Variants in PABPC4L observed in about 807,000 individuals in gnomAD.
The protein encoded by PABPC4L is polyadenylate-binding protein 4-like.
For synonymous variants in PABPC4L, 169 were observed against 164.1 expected (o/e 1.03, Z -0.23); for missense variants, 452 against 451.4 (o/e 1.00, Z -0.01).
the PABPC4L span, among the ~76,000 whole-genome samples, chr4:134,041,353 A>G: frequency 6.6e-6 from 1 of 152,196 alleles, no homozygotes; most frequent in East Asian, 1.9e-4. Context: ...GACTGGATAA[A>G]GAAAATATGG....
At chr4:134,053,947 C>A in the PABPC4L span, among the ~76,000 whole-genome samples, 1 of 151,552 alleles carries the variant, frequency 6.6e-6, no homozygotes, top group Admixed American at 6.6e-5. Context: ...GATATCCACA[C>A]AAAGAACCTT....
At chr4:133,961,633 T>C in the PABPC4L span, among the ~76,000 whole-genome samples, 2 of 152,174 alleles carry the variant, frequency 1.3e-5, no homozygotes, top group Non-Finnish European at 2.9e-5. Context: ...ATGGGAGCTC[T>C]GTTTTCACTT....
the PABPC4L span, among the ~76,000 whole-genome samples, chr4:133,966,212 G>T: frequency 2.0e-4 from 31 of 152,080 alleles, 2 homozygotes; most frequent in Middle Eastern, 6.3e-3. Flanking sequence ...ATGAAAAAAT[G>T]ATCAACACCT....
chr4:134,150,067 G>A, the PABPC4L span, among the ~76,000 whole-genome samples: 2 of 146,450 alleles, frequency 1.4e-5, no homozygotes, highest in African/African-American at 5.1e-5. Context: ...TATCATTTTT[G>A]GTTCTTGGTT....
chr4:133,998,269 A>C, the PABPC4L span, among the ~76,000 whole-genome samples: 1 of 151,808 alleles, frequency 6.6e-6, no homozygotes, highest in Non-Finnish European at 1.5e-5. Context: ...TTAGTTTTGT[A>C]TTAGGACCTG....
the PABPC4L span, among the ~76,000 whole-genome samples, chr4:134,183,409 G>A: frequency 1.5e-3 from 229 of 151,684 alleles, 1 homozygote; most frequent in African/African-American, 5.1e-3. Flanking sequence ...TAAACTTTGA[G>A]TACATATGGA....
Position 134,197,496 on chromosome 4 carries a change from AGC to A in PABPC4L, c.*2409_*2410del. On this transcript the variant is annotated 3_prime_UTR_variant, in exon 2 of 2. Transcript: ENST00000421491. ...TTTCAGTAGAATACTAAAACTTTCC[AGC>A]TTAACATTCAATTTTGGAATAACCT... The A allele has an allele frequency of 6.6e-6, 1 of 151,726 alleles. No homozygotes were observed. Among genetic ancestry groups the A allele is most frequent in the East Asian group, 1.9e-4 (1 of 5,196 alleles). 9.4% of individuals were successfully genotyped at this position (151,726 alleles called of 1,614,324 possible).
chr4:134,181,836 C>A, the PABPC4L span, among the ~76,000 whole-genome samples: 1 of 151,462 alleles, frequency 6.6e-6, no homozygotes, highest in Non-Finnish European at 1.5e-5. Context: ...ATCTCTACAA[C>A]GAGAATTACA....
chr4:134,079,604 A>AC, the PABPC4L span, among the ~76,000 whole-genome samples: 1 of 116,724 alleles, frequency 8.6e-6, no homozygotes, highest in Non-Finnish European at 1.8e-5. Context: ...AAAAAAAAAA[A>AC]AAAAAAACTG....
At chr4:134,031,365 G>T in the PABPC4L span, among the ~76,000 whole-genome samples, 65 of 151,796 alleles carry the variant, frequency 4.3e-4, no homozygotes, top group African/African-American at 1.4e-3. Context: ...TTTAAGATCT[G>T]TTTCTTCCAT....
the PABPC4L span, among the ~76,000 whole-genome samples, chr4:134,167,488 G>A: frequency 6.6e-6 from 1 of 151,718 alleles, no homozygotes; most frequent in Non-Finnish European, 1.5e-5. Flanking sequence ...ACATAGAGTG[G>A]CTGAATGGTT....
At chr4:134,052,258 T>G in the PABPC4L span, among the ~76,000 whole-genome samples, 1 of 152,166 alleles carries the variant, frequency 6.6e-6, no homozygotes, top group South Asian at 2.1e-4. Context: ...GACATGAATA[T>G]TCTCAATATA....
At chr4:134,086,823 T>A in the PABPC4L span, among the ~76,000 whole-genome samples, 1 of 152,094 alleles carries the variant, frequency 6.6e-6, no homozygotes, top group South Asian at 2.1e-4. Context: ...TTATTATACT[T>A]TAAGATTTAG....
chr4:133,997,766 GATA>G, the PABPC4L span, among the ~76,000 whole-genome samples: 3 of 152,090 alleles, frequency 2.0e-5, no homozygotes, highest in Non-Finnish European at 2.9e-5. Context: ...GAGAACTGAA[GATA>G]ATAATAATGT....
the PABPC4L span, among the ~76,000 whole-genome samples, chr4:134,126,581 T>G: frequency 7.5e-6 from 1 of 133,746 alleles, no homozygotes; most frequent in African/African-American, 3.1e-5. Context: ...ATCAGTCACA[T>G]TTCCCTTTAG....
the PABPC4L span, among the ~76,000 whole-genome samples, chr4:134,053,688 A>G: frequency 2.0e-5 from 3 of 152,126 alleles, no homozygotes; most frequent in East Asian, 3.8e-4. Context: ...TAATTTGTGT[A>G]TACATCAGAG....
chr4:133,970,337 G>T, the PABPC4L span, among the ~76,000 whole-genome samples: 1 of 151,684 alleles, frequency 6.6e-6, no homozygotes, highest in Non-Finnish European at 1.5e-5. Flanking sequence ...TTCATGCTTG[G>T]TCTACTCCTC....
At chr4:133,957,393 G>A in the PABPC4L span, among the ~76,000 whole-genome samples, 1,493 of 152,258 alleles carry the variant, frequency 9.8e-3, 20 homozygotes, top group African/African-American at 0.034. Context: ...CAAGAGATGG[G>A]CTTCTATGGC....
chr4:133,952,179 C>T, the PABPC4L span, among the ~76,000 whole-genome samples: 14 of 152,168 alleles, frequency 9.2e-5, no homozygotes, highest in African/African-American at 2.6e-4. Flanking sequence ...TCCTCCAGGA[C>T]GTTTTCTAAG....
Sources: allele counts gnomAD v4.1 joint callset (sites outside exome capture counted in the v4.1 genomes callset), GRCh38; gene constraint gnomAD v4.1.1; transcripts MANE v1.5; gene names NCBI Gene and HGNC (gene_info 2026-07-23, HGNC 2026-07-21).